Variants in FBXL13 observed in about 807,000 individuals in gnomAD.
The protein encoded by FBXL13 is F-box and leucine rich repeat protein 13, also known as F-box and leucine-rich repeat protein 13.
Under a neutral mutation model 83.6 loss-of-function variants are expected in FBXL13, and 67 were observed. The ratio of observed to expected loss-of-function variants is 0.80; its 90% CI spans 0.66 to 0.98. The LOEUF (loss-of-function observed/expected upper bound fraction) is 0.98. Among genes scored for constraint, FBXL13 ranks in the 50% least tolerant of loss-of-function variants. The pLI, the probability that FBXL13 is intolerant of heterozygous loss-of-function variation, is 0.00. For missense variants in FBXL13, 822 were observed against 866.5 expected, an observed-to-expected ratio of 0.95 and a Z score of 0.64; for synonymous variants, 272 against 299.5, an observed-to-expected ratio of 0.91 and a Z score of 0.95.
intron 17 of FBXL13, among the ~76,000 whole-genome samples, chr7:102,841,033 A>G (rs1022438714): frequency 6.6e-6 from 1 of 152,162 alleles, no homozygotes; most frequent in East Asian, 1.9e-4. Context: ...GGTTATTACA[A>G]ATTATAACAT....
intron 11 of FBXL13, among the ~76,000 whole-genome samples, chr7:102,912,480 G>A (rs532942775): frequency 2.8e-4 from 42 of 152,218 alleles, no homozygotes; most frequent in African/African-American, 2.4e-4. Context: ...CATCCAAAGC[G>A]CCATGCCCTA....
intron 6 of FBXL13, among the ~76,000 whole-genome samples, chr7:103,016,112 T>C (rs1175581472): frequency 6.6e-6 from 1 of 152,200 alleles, no homozygotes; most frequent in Non-Finnish European, 1.5e-5. Context: ...TTCAATGCTA[T>C]TCTTATCAAA....
intron 11 of FBXL13, among the ~76,000 whole-genome samples, chr7:102,898,268 T>C (rs1430338542): frequency 1.3e-5 from 2 of 152,178 alleles, no homozygotes; most frequent in Non-Finnish European, 2.9e-5. Context: ...AACATATATA[T>C]ATCAAACAAA....
chr7:102,912,890 T>G lies in FBXL13; in HGVS notation c.1008+196A>C, dbSNP rs533610503. The G allele has an allele frequency of 3.3e-5, 20 of 606,814 alleles. No homozygotes were observed. In the South Asian group the frequency reaches 4.7e-4, roughly 14 times the overall value. 37.6% of individuals were successfully genotyped at this position (606,814 alleles called of 1,614,324 possible). On this transcript the variant is annotated intron_variant, in intron 11 of 19. Coordinates refer to ENST00000313221, the Ensembl canonical transcript of FBXL13. ...CTCTGCCTGTTTGTCTGTGTGACAC[T>G]CCAGTGGAAGGAAGCCAAGAGCCTA...
chr7:102,933,684 C>G lies in FBXL13; in HGVS notation c.725-1751G>C, dbSNP rs376142266. On this transcript the variant is annotated intron_variant, in intron 8 of 19. Transcript: ENST00000313221. The stretch of plus-strand genomic sequence containing the variant: ...GTCACTGTTCTGTGGAACTAGAAGG[C>G]CTTTGCCTTAAAAAGTCTGTTCTTA... 8.7e-6 allele frequency: 3 copies of G among 346,256 alleles called. No homozygotes were observed. In the East Asian group the frequency reaches 1.5e-4, roughly 18 times the overall value. 21.4% of individuals were successfully genotyped at this position (346,256 alleles called of 1,614,324 possible).
At chr7:102,895,289 G>A (rs1173838256) in intron 11 of FBXL13, among the ~76,000 whole-genome samples, 1 of 152,150 alleles carries the variant, frequency 6.6e-6, no homozygotes, top group East Asian at 1.9e-4. Context: ...TGGAGGAAAG[G>A]GACAGTAGCA....
At position 102,819,912 on chromosome 7, in the gene FBXL13, C is replaced by T. The variant is rs941343873; in HGVS notation, c.2018+2128G>A. 4.6e-5 allele frequency among the ~76,000 whole-genome samples: 7 copies of T among 152,144 alleles called. No individual in the cohort carries two copies. The East Asian group carries it at 5.8e-4, about 13-fold the overall frequency. ...AAACGAAGCTGCTCCATAGAGCACC[C>T]GGAGCTGATCGCAGAAAGCTGCATG... On this transcript the variant is annotated intron_variant, in intron 19 of 19. Coordinates refer to ENST00000313221, the Ensembl canonical transcript of FBXL13.
At chr7:102,817,116 A>G (rs1014695208) in intron 19 of FBXL13, among the ~76,000 whole-genome samples, 1 of 152,212 alleles carries the variant, frequency 6.6e-6, no homozygotes, top group Admixed American at 6.5e-5. Flanking sequence ...TCCTTTGGGT[A>G]GATACCCAGT....
chr7:102,819,557 T>C (rs1364131746), intron 19 of FBXL13, among the ~76,000 whole-genome samples: 2 of 152,220 alleles, frequency 1.3e-5, no homozygotes, highest in Non-Finnish European at 2.9e-5. Context: ...AATTTATGTA[T>C]AAAACAGCCT....
At chr7:102,874,727 C>T (rs112889428) in intron 16 of FBXL13, among the ~76,000 whole-genome samples, 80 of 152,092 alleles carry the variant, frequency 5.3e-4, no homozygotes, top group African/African-American at 1.8e-3. Context: ...TCACCACACC[C>T]GGCTAATTTT....
chr7:102,955,314 G>A (rs1199189929), intron 8 of FBXL13, among the ~76,000 whole-genome samples: 1 of 152,038 alleles, frequency 6.6e-6, no homozygotes, highest in African/African-American at 2.4e-5. Flanking sequence ...ATGAACTGAA[G>A]GCAGAAATAA....
At chr7:102,937,695 C>T (rs1306323037) in intron 8 of FBXL13, among the ~76,000 whole-genome samples, 3 of 152,070 alleles carry the variant, frequency 2.0e-5, no homozygotes, top group African/African-American at 4.8e-5. Context: ...GTAGTGCCTG[C>T]CACAGAGCCA....
chr7:103,070,229 T>C (rs1040428532), intron 1 of FBXL13, among the ~76,000 whole-genome samples: 23 of 152,236 alleles, frequency 1.5e-4, no homozygotes, highest in African/African-American at 5.5e-4. Context: ...TATGTATTTA[T>C]TTTATTTATT....
chr7:103,044,266 C>A (rs903893137), intron 2 of FBXL13, among the ~76,000 whole-genome samples: 1 of 152,172 alleles, frequency 6.6e-6, no homozygotes, highest in Non-Finnish European at 1.5e-5. Context: ...AAGGAGAATT[C>A]TTGTCCATTA....
intron 11 of FBXL13, among the ~76,000 whole-genome samples, chr7:102,897,115 T>C (rs201795495): frequency 6.6e-6 from 1 of 151,656 alleles, no homozygotes; most frequent in African/African-American, 2.4e-5. Context: ...TACATATATT[T>C]TATATATATG....
intron 16 of FBXL13, among the ~76,000 whole-genome samples, chr7:102,863,118 C>T (rs576167763): frequency 2.5e-4 from 38 of 152,334 alleles, no homozygotes; most frequent in African/African-American, 9.1e-4. Flanking sequence ...TTTCATTGAG[C>T]TCTTCCTATT....
At chr7:102,975,729 A>G (rs1262695126) in intron 6 of FBXL13, among the ~76,000 whole-genome samples, 1 of 152,112 alleles carries the variant, frequency 6.6e-6, no homozygotes, top group African/African-American at 2.4e-5. Context: ...TCATCTCCCA[A>G]TCCACCCCCA....
intron 8 of FBXL13, among the ~76,000 whole-genome samples, chr7:102,958,816 G>T (rs972224824): frequency 1.3e-5 from 2 of 151,926 alleles, no homozygotes; most frequent in Non-Finnish European, 2.9e-5. Context: ...TCCAAAGGCG[G>T]ATGTGACCAG....
intron 1 of FBXL13, among the ~76,000 whole-genome samples, chr7:103,060,811 G>A (rs1276396705): frequency 1.3e-5 from 2 of 152,208 alleles, no homozygotes; most frequent in African/African-American, 4.8e-5. Context: ...CTCAGCAGGT[G>A]AAGAAACAGA....
Sources: allele counts gnomAD v4.1 joint callset (sites outside exome capture counted in the v4.1 genomes callset), GRCh38; gene constraint gnomAD v4.1.1; transcripts MANE v1.5; gene names NCBI Gene and HGNC (gene_info 2026-07-23, HGNC 2026-07-21).